TMEM202: variants seen among roughly 807,000 people sequenced by gnomAD.
TMEM202 encodes transmembrane protein 202.
In TMEM202, 25 loss-of-function variants were observed where a neutral mutation model predicts 26.1. The ratio of observed to expected loss-of-function variants is 0.96; its 90% CI spans 0.70 to 1.34. TMEM202 has a LOEUF of 1.34. Ranked by LOEUF, TMEM202 falls within the 40% of genes most tolerant of loss-of-function variation. The pLI is 0.00. For synonymous variants in TMEM202, 122 were observed against 119.0 expected, an observed-to-expected ratio of 1.02 and a Z score of -0.16; for missense variants, 301 against 327.7, an observed-to-expected ratio of 0.92 and a Z score of 0.63.
In TMEM202 at chr15:72,398,741, G is replaced by T; in HGVS notation, c.170G>T (p.Arg57Leu). Residue 57 changes from arginine (R) to leucine (L), a missense_variant, in exon 2 of 5, where the codon CGA becomes CTA. Physicochemically the swap from Arg to Leu is moderately radical, Grantham distance 102. Transcript: ENST00000341689. ...QLMDQAHIYI[R>L]TLCGSLCSFS... is the part of the protein sequence containing the mutation. ...ATGGATCAGGCACACATCTACATCCGAACGCTCTGTGGCAGCCTCTGTAGT... is the reference window on the plus strand; with the variant it reads ...ATGGATCAGGCACACATCTACATCCTAACGCTCTGTGGCAGCCTCTGTAGT... 6.2e-7 allele frequency: 1 copy of T among 1,614,138 alleles called. No individual in the cohort carries two copies. The highest frequency in any genetic ancestry group is 8.5e-7 in the Non-Finnish European group (1 of 1,180,030).
At chr15:72,407,652 G>T in intron 4 of TMEM202, 39 bp from the exon 5 acceptor site, 4 of 1,582,408 alleles carry the variant, frequency 2.5e-6, no homozygotes, top group South Asian at 1.1e-5. Flanking sequence ...AAAGACCATT[G>T]CCTATTGAAC....
rs2063583182 is a variant in TMEM202, at chr15:72,408,281, G to T, written c.*388G>T. On this transcript the variant is annotated 3_prime_UTR_variant, in exon 5 of 5. Coordinates refer to ENST00000341689, the MANE Select transcript of TMEM202 (RefSeq NM_001080462.3). ...TATGTGTGGCTTTGGGTATACTCAG[G>T]ATGGAAAGCACTTGGACAAATACTG... 6.6e-6 allele frequency among the ~76,000 whole-genome samples: 1 copy of T among 152,042 alleles called. No individual in the cohort carries two copies. The highest frequency in any genetic ancestry group is 1.5e-5 in the Non-Finnish European group (1 of 68,006).
Position 72,406,689 on chromosome 15 carries a change from T to A in TMEM202, c.425T>A (p.Leu142His). ...GLGWLFSSWI[L>H]NRGSMTTNLD... ...GGCTGGCTCTTCAGCTCTTGGATCC[T>A]TAATCGAGGAAGCATGACCACCAAC... Residue 142 changes from leucine (L) to histidine (H), a missense_variant, in exon 3 of 5, where the codon CTT becomes CAT. By Grantham distance (99) the Leu-to-His change is moderately conservative. Coordinates refer to ENST00000341689, the MANE Select transcript of TMEM202 (RefSeq NM_001080462.3). 1.2e-6 allele frequency: 2 copies of A among 1,614,150 alleles called. No homozygotes were observed. Among genetic ancestry groups the A allele is most frequent in the South Asian group, 2.2e-5 (2 of 91,078 alleles).
In TMEM202 at chr15:72,407,096, G is replaced by C; in HGVS notation, c.498G>C (p.Leu166Phe). The C allele has an allele frequency of 6.2e-7, 1 of 1,612,150 alleles. No homozygotes were observed. The highest frequency in any genetic ancestry group is 8.5e-7 in the Non-Finnish European group (1 of 1,179,726). ...TCCTTCTGGTCCTAGCTACCTGCTTGCTCCTCTGCCTCAACCTGTTTGTGG... is the reference window on the plus strand; with the variant it reads ...TCCTTCTGGTCCTAGCTACCTGCTTCCTCCTCTGCCTCAACCTGTTTGTGG... ...SMLSFISATC[L>F]LLCLNLFVAQ... Residue 166 changes from leucine to phenylalanine, a missense_variant, in exon 4 of 5, where the codon TTG becomes TTC. By Grantham distance (22) the Leu-to-Phe change is conservative. Transcript: ENST00000341689.
intron 2 of TMEM202, among the ~76,000 whole-genome samples, chr15:72,401,478 G>A (rs2063547365): frequency 6.6e-6 from 1 of 152,190 alleles, no homozygotes; most frequent in African/African-American, 2.4e-5. Flanking sequence ...GGGATGCAGA[G>A]GTTGTTGTGA....
Position 72,398,872 on chromosome 15 carries a change from C to G in TMEM202, c.301C>G (p.His101Asp). 6.2e-7 allele frequency: 1 copy of G among 1,612,830 alleles called. No homozygotes were observed. Among genetic ancestry groups the G allele is most frequent in the Non-Finnish European group, 8.5e-7 (1 of 1,179,194 alleles). Residue 101 changes from histidine (H) to aspartate (D), a missense_variant, in exon 2 of 5, where the codon CAT becomes GAT. Physicochemically the swap from His to Asp is moderately conservative, Grantham distance 81 (BLOSUM62 -1). Transcript: ENST00000341689. ...CGCAGGACTCTGGACCTTATGCAAC[C>G]ATGAGCTGTGCTGGAGCCACACACC... Reference protein sequence around the residue: ...LYAGLWTLCNHELCWSHTPKP... With the variant: ...LYAGLWTLCNDELCWSHTPKP...
chr15:72,404,451 A>G (rs2063562405), intron 2 of TMEM202, among the ~76,000 whole-genome samples: 2 of 152,112 alleles, frequency 1.3e-5, no homozygotes, highest in Non-Finnish European at 2.9e-5. Flanking sequence ...GTGGCTCAGA[A>G]GAATAACATA....
In TMEM202 at chr15:72,400,095, G is replaced by A. The variant is rs189953547; in HGVS notation, c.337+1187G>A. ...GACAGACAATTCAACTGCATAAAACGAAAACTAGAGAAAATATTTGCAACA... is the reference window on the plus strand; with the variant it reads ...GACAGACAATTCAACTGCATAAAACAAAAACTAGAGAAAATATTTGCAACA... On this transcript the variant is annotated intron_variant, in intron 2 of 4. Transcript: ENST00000341689. 2.8e-3 allele frequency among the ~76,000 whole-genome samples: 427 copies of A among 152,226 alleles called. 1 individual carries two copies. Among genetic ancestry groups the A allele is most frequent in the Admixed American group, 4.8e-3 (74 of 15,290 alleles).
chr15:72,400,309 C>T (rs550990827), intron 2 of TMEM202, among the ~76,000 whole-genome samples: 2 of 152,222 alleles, frequency 1.3e-5, no homozygotes, highest in African/African-American at 4.8e-5. Flanking sequence ...AAATGAATAA[C>T]AAGATGTAAC....
Position 72,408,367 on chromosome 15 carries a change from A to T in TMEM202, c.*474A>T, listed in dbSNP as rs80292455. Among the ~76,000 whole-genome samples the T allele has an allele frequency of 0.011, 1,733 of 152,328 alleles. 36 individuals carry two copies. Among genetic ancestry groups the T allele is most frequent in the African/African-American group, 0.04 (1,671 of 41,568 alleles). On this transcript the variant is annotated 3_prime_UTR_variant, in exon 5 of 5. Coordinates refer to ENST00000341689, the MANE Select transcript of TMEM202 (RefSeq NM_001080462.3). ...ATAAATATCAATGGATATAAGACCT[A>T]CTACTCAAAGGAACTGAGAGGTGCT... is the stretch of plus-strand genomic sequence containing the variant.
Position 72,406,655 on chromosome 15 carries a change from A to T in TMEM202, c.391A>T (p.Thr131Ser). 1.2e-6 allele frequency: 2 copies of T among 1,613,872 alleles called. No homozygotes were observed. The highest frequency in any genetic ancestry group is 1.7e-6 in the Non-Finnish European group (2 of 1,179,850). Residue 131 changes from threonine to serine, a missense_variant, in exon 3 of 5, where the codon ACT becomes TCT. By Grantham distance (58) the Thr-to-Ser change is moderately conservative. Transcript: ENST00000341689. ...TCTCATCTCTGTCTTTACCATACTT[A>T]CTGGCCTTGGCTGGCTCTTCAGCTC... is the stretch of plus-strand genomic sequence containing the variant. ...FFLISVFTIL[T>S]GLGWLFSSWI...
At chr15:72,405,183 T>C (rs2063565274) in intron 2 of TMEM202, among the ~76,000 whole-genome samples, 2 of 152,184 alleles carry the variant, frequency 1.3e-5, no homozygotes, top group South Asian at 4.1e-4. Flanking sequence ...ACTCAGAAGC[T>C]GGACTTGGAT....
At chr15:72,406,898 T>C in intron 3 of TMEM202, 147 bp downstream of exon 3, 1 of 1,164,444 alleles carries the variant, frequency 8.6e-7, no homozygotes, top group South Asian at 1.5e-5. Context: ...CTTATCTAAT[T>C]ATATAGAACA....
At chr15:72,398,940 C>G in intron 2 of TMEM202, 32 bp downstream of exon 2, 2 of 1,588,756 alleles carry the variant, frequency 1.3e-6, no homozygotes, top group Non-Finnish European at 1.7e-6. Context: ...GCCACAGGCC[C>G]CACACAATTG....
At chr15:72,400,966 A>G (rs1489165997) in intron 2 of TMEM202, among the ~76,000 whole-genome samples, 1 of 152,170 alleles carries the variant, frequency 6.6e-6, no homozygotes, top group African/African-American at 2.4e-5. Flanking sequence ...TAAATTCCTG[A>G]CATTGCCATG....
chr15:72,398,326 G>T lies in TMEM202; in HGVS notation c.-1G>T. The T allele has an allele frequency of 6.2e-7, 1 of 1,612,312 alleles. No homozygotes were observed. ...TGGCAGTTAGAGAACTAACTGCCAA[G>T]ATGGAGCGAAGGGAACATTTAACCT... On this transcript the variant is annotated 5_prime_UTR_variant, in exon 1 of 5. Coordinates refer to ENST00000341689, the MANE Select transcript of TMEM202 (RefSeq NM_001080462.3).
intron 4 of TMEM202, 95 bp from the exon 5 acceptor site, chr15:72,407,596 C>T: frequency 1.8e-6 from 2 of 1,093,390 alleles, no homozygotes; most frequent in Non-Finnish European, 2.7e-6. Context: ...TGAAAAGATG[C>T]CTCTTGAACT....
At chr15:72,399,129 A>C (rs1199976604) in intron 2 of TMEM202, among the ~76,000 whole-genome samples, 1 of 152,112 alleles carries the variant, frequency 6.6e-6, no homozygotes, top group African/African-American at 2.4e-5. Flanking sequence ...TATGGGAAGA[A>C]CTGTTTTTGT....
intron 1 of TMEM202, 63 bp from the exon 2 acceptor site, chr15:72,398,590 C>A: frequency 6.3e-7 from 1 of 1,585,160 alleles, no homozygotes; most frequent in Non-Finnish European, 8.6e-7. Context: ...TAGAGAAGAG[C>A]GGGTGACCCT....
Sources: gnomAD v4.1 joint callset for allele counts (sites outside exome capture counted in the v4.1 genomes callset) on GRCh38, gnomAD v4.1.1 for gene constraint, MANE v1.5 for transcripts, NCBI Gene and HGNC (gene_info 2026-07-23, HGNC 2026-07-21) for gene names.